SUPT3H: variants seen among roughly 807,000 people sequenced by gnomAD.
SUPT3H encodes the protein transcription initiation protein SPT3 homolog.
In SUPT3H, 44 loss-of-function variants were observed where a neutral mutation model predicts 44.3. The observed-to-expected ratio is 0.99, with a 90% confidence interval of 0.78 to 1.28. SUPT3H has a LOEUF of 1.28. SUPT3H is among the 50% of genes most tolerant of loss of function. The probability of loss-of-function intolerance (pLI) is 0.00; values close to 1 mark genes in which losing one functional copy is unlikely to be tolerated. For synonymous variants in SUPT3H, 124 were observed against 125.6 expected, an observed-to-expected ratio of 0.99 and a Z score of 0.09; for missense variants, 380 against 387.1, an observed-to-expected ratio of 0.98 and a Z score of 0.15.
chr6:45,157,538 A>G (rs981975470), intron 2 of SUPT3H, among the ~76,000 whole-genome samples: 4 of 150,874 alleles, frequency 2.7e-5, no homozygotes, highest in African/African-American at 9.7e-5. Flanking sequence ...TATATATATA[A>G]ATATATATAT....
chr6:45,328,775 T>C, intron 2 of SUPT3H: 3 of 1,612,130 alleles, frequency 1.9e-6, no homozygotes, highest in Non-Finnish European at 2.5e-6. Flanking sequence ...TCAGCAAAAC[T>C]TCTTTTGGGG....
intron 3 of SUPT3H, among the ~76,000 whole-genome samples, chr6:45,082,924 A>G (rs1796001176): frequency 6.6e-6 from 1 of 152,152 alleles, no homozygotes; most frequent in Non-Finnish European, 1.5e-5. Flanking sequence ...ACTTTAGTAA[A>G]GTTTCAGGAT....
intron 3 of SUPT3H, among the ~76,000 whole-genome samples, chr6:45,075,319 T>C (rs892817959): frequency 6.6e-6 from 1 of 152,068 alleles, no homozygotes; most frequent in African/African-American, 2.4e-5. Flanking sequence ...ATACCAGATA[T>C]GGTCATACTT....
intron 2 of SUPT3H, among the ~76,000 whole-genome samples, chr6:45,189,748 T>C (rs1814829153): frequency 6.6e-6 from 1 of 152,196 alleles, no homozygotes; most frequent in African/African-American, 2.4e-5. Flanking sequence ...AGCCTTACCT[T>C]TGAGACCCCT....
At chr6:45,211,595 A>T (rs1764091430) in intron 2 of SUPT3H, among the ~76,000 whole-genome samples, 1 of 152,160 alleles carries the variant, frequency 6.6e-6, no homozygotes, top group African/African-American at 2.4e-5. Context: ...TCGCACCTGT[A>T]ATCCCAGCAC....
chr6:45,221,105 G>A (rs1765969595), intron 2 of SUPT3H, among the ~76,000 whole-genome samples: 2 of 152,034 alleles, frequency 1.3e-5, no homozygotes, highest in Non-Finnish European at 2.9e-5. Flanking sequence ...CTATTATTCT[G>A]AGCAAACTAT....
At chr6:45,046,393 C>G (rs1449333024) in intron 3 of SUPT3H, among the ~76,000 whole-genome samples, 1 of 152,064 alleles carries the variant, frequency 6.6e-6, no homozygotes, top group Non-Finnish European at 1.5e-5. Context: ...TGCAGTGGCA[C>G]GATCTCAGCT....
At chr6:44,889,534 G>T (rs1422797074) in intron 10 of SUPT3H, among the ~76,000 whole-genome samples, 1 of 152,184 alleles carries the variant, frequency 6.6e-6, no homozygotes, top group Non-Finnish European at 1.5e-5. Flanking sequence ...TTTAATAAAT[G>T]GTGCTGGGAA....
intron 3 of SUPT3H, among the ~76,000 whole-genome samples, chr6:45,059,911 G>A (rs188637971): frequency 1.8e-4 from 28 of 152,160 alleles, no homozygotes; most frequent in Non-Finnish European, 7.4e-5. Context: ...TCTCTTTGAG[G>A]AGAACTATCA....
At chr6:44,888,650 GC>G (rs1384841250) in intron 10 of SUPT3H, among the ~76,000 whole-genome samples, 2 of 151,996 alleles carry the variant, frequency 1.3e-5, no homozygotes, top group Non-Finnish European at 2.9e-5. Context: ...CAAACCCACA[GC>G]CAATATCATA....
intron 2 of SUPT3H, among the ~76,000 whole-genome samples, chr6:45,317,481 G>A (rs576462173): frequency 2.0e-5 from 3 of 151,956 alleles, no homozygotes; most frequent in African/African-American, 4.8e-5. Context: ...AGCATGGTAC[G>A]GGCATAAAAG....
intron 2 of SUPT3H, among the ~76,000 whole-genome samples, chr6:45,310,496 C>G (rs927414617): frequency 6.6e-6 from 1 of 152,108 alleles, no homozygotes; most frequent in Non-Finnish European, 1.5e-5. Flanking sequence ...AGCATTAAAC[C>G]ACCAAAGCTA....
At chr6:44,884,732 T>G (rs911481549) in intron 10 of SUPT3H, among the ~76,000 whole-genome samples, 1 of 152,122 alleles carries the variant, frequency 6.6e-6, no homozygotes, top group Non-Finnish European at 1.5e-5. Context: ...GGTACCGGGT[T>G]CATCTCACTA....
intron 10 of SUPT3H, among the ~76,000 whole-genome samples, chr6:44,846,148 C>T (rs1771844558): frequency 6.6e-6 from 1 of 152,176 alleles, no homozygotes. Context: ...ACTGCATGCC[C>T]TGTGAGGGGG....
intron 2 of SUPT3H, among the ~76,000 whole-genome samples, chr6:45,221,264 T>A (rs1466877224): frequency 1.3e-5 from 2 of 152,084 alleles, no homozygotes; most frequent in Non-Finnish European, 2.9e-5. Flanking sequence ...AGGAGAAATC[T>A]AATGTAAATG....
chr6:44,855,161 T>C (rs954225830), intron 10 of SUPT3H, among the ~76,000 whole-genome samples: 2 of 152,238 alleles, frequency 1.3e-5, no homozygotes, highest in Admixed American at 6.5e-5. Flanking sequence ...TTGCACTTTC[T>C]AGAGAGGGTC....
rs564173873 is a variant in SUPT3H, at chr6:45,118,376, A to C, written c.102-12370T>G. On this transcript the variant is annotated intron_variant, in intron 2 of 10. Transcript: ENST00000371459. ...AAATATTAATAGGCAATACCAGGCA[A>C]TTAATTATTTATAATAGTTAATATC... 3.3e-4 allele frequency among the ~76,000 whole-genome samples: 50 copies of C among 152,232 alleles called. No individual in the cohort carries two copies. In the South Asian group the frequency reaches 3.9e-3, roughly 12 times the overall value.
In SUPT3H at chr6:45,131,430, G is replaced by A. The variant is rs376981014; in HGVS notation, c.102-25424C>T. On this transcript the variant is annotated intron_variant, in intron 2 of 10. Transcript: ENST00000371459. ...ATTTCCAAGCCTATATGTAACCACTGTACCTCAAGTATAGATGGGTTTCTA... is the reference window on the plus strand; with the variant it reads ...ATTTCCAAGCCTATATGTAACCACTATACCTCAAGTATAGATGGGTTTCTA... Among the ~76,000 whole-genome samples, 5 of 152,046 alleles carry A rather than the reference G, an allele frequency of 3.3e-5. No individual in the cohort carries two copies. The South Asian group carries it at 6.2e-4, about 19-fold the overall frequency.
intron 2 of SUPT3H, among the ~76,000 whole-genome samples, chr6:45,288,697 T>C (rs1779803851): frequency 1.3e-5 from 2 of 150,156 alleles, no homozygotes; most frequent in South Asian, 2.1e-4. Context: ...CATTAATTCC[T>C]TGCAATAATC....
Sources: allele counts gnomAD v4.1 joint callset (sites outside exome capture counted in the v4.1 genomes callset), GRCh38; gene constraint gnomAD v4.1.1; transcripts MANE v1.5; gene names NCBI Gene and HGNC (gene_info 2026-07-23, HGNC 2026-07-21).